Variants in KIAA0232 observed in about 807,000 individuals in gnomAD.
KIAA0232 encodes the protein KIAA0232, also known as uncharacterized protein KIAA0232.
Under a neutral mutation model 122.0 loss-of-function variants are expected in KIAA0232, and 27 were observed. That is an observed-to-expected ratio of 0.22 (90% CI 0.16 to 0.31). The LOEUF is 0.31. Among genes scored for constraint, KIAA0232 ranks in the 10% least tolerant of loss-of-function variants. KIAA0232 has a pLI of 1.00. For synonymous variants in KIAA0232, 613 were observed against 587.6 expected, an observed-to-expected ratio of 1.04 and a Z score of -0.63; for missense variants, 1,551 against 1,634.2, an observed-to-expected ratio of 0.95 and a Z score of 0.88.
chr4:6,810,186 G>A (rs1261643140), intron 2 of KIAA0232, among the ~76,000 whole-genome samples: 1 of 152,140 alleles, frequency 6.6e-6, no homozygotes, highest in Non-Finnish European at 1.5e-5. Context: ...TATATTACAA[G>A]GGTATAGTAA....
chr4:6,833,107 A>G (rs751038872), intron 3 of KIAA0232, among the ~76,000 whole-genome samples: 1 of 152,194 alleles, frequency 6.6e-6, no homozygotes, highest in Non-Finnish European at 1.5e-5. Context: ...TTGAAAAGCT[A>G]GCATCTGCGG....
intron 3 of KIAA0232, among the ~76,000 whole-genome samples, chr4:6,834,171 C>G (rs926646611): frequency 8.5e-5 from 13 of 152,248 alleles, no homozygotes; most frequent in African/African-American, 2.6e-4. Context: ...CTCACTGAGC[C>G]TCGAACTCTT....
rs749367195 is a variant in KIAA0232 at position 6,855,294 on chromosome 4, G to A, written c.370-1870G>A. Among the ~76,000 whole-genome samples, 2 of 151,834 alleles carry A rather than the reference G, an allele frequency of 1.3e-5. No individual in the cohort carries two copies. The highest frequency in any genetic ancestry group is 2.4e-5 in the African/African-American group (1 of 41,326). On this transcript the variant is annotated intron_variant, in intron 4 of 9. Coordinates refer to ENST00000307659, the MANE Select transcript of KIAA0232 (RefSeq NM_014743.3). The surrounding 1 kb of genome is among the most constrained non-coding windows in gnomAD (Gnocchi z 4.3). ...GTAGAAACGGGGTTTCACCATGTTC[G>A]CCAGGCTAGTCTTGAACTCCTGACC...
At chr4:6,876,109 G>A (rs1287636491) in intron 8 of KIAA0232, among the ~76,000 whole-genome samples, 1 of 152,158 alleles carries the variant, frequency 6.6e-6, no homozygotes, top group Non-Finnish European at 1.5e-5. Flanking sequence ...TGATGGAATC[G>A]CTAGCACCAT....
intron 7 of KIAA0232, among the ~76,000 whole-genome samples, chr4:6,871,180 C>A (rs1721461303): frequency 1.3e-5 from 2 of 152,198 alleles, no homozygotes; most frequent in Admixed American, 6.5e-5. Context: ...TGCCTGTAAT[C>A]CCAGTACTTT....
chr4:6,864,751 A>G (rs1272950563), intron 7 of KIAA0232, among the ~76,000 whole-genome samples: 1 of 151,552 alleles, frequency 6.6e-6, no homozygotes, highest in Non-Finnish European at 1.5e-5. Context: ...AAAAAAAAAA[A>G]AAAAAAAATA....
chr4:6,848,341 T>C (rs1020317853), intron 4 of KIAA0232, among the ~76,000 whole-genome samples: 1 of 152,238 alleles, frequency 6.6e-6, no homozygotes, highest in Non-Finnish European at 1.5e-5. Flanking sequence ...TTTGACCATA[T>C]ACAATTGGCC....
At chr4:6,816,013 A>G (rs1177071447) in intron 2 of KIAA0232, among the ~76,000 whole-genome samples, 1 of 152,188 alleles carries the variant, frequency 6.6e-6, no homozygotes, top group Non-Finnish European at 1.5e-5. Context: ...TTTAAAGTAA[A>G]CATAATAAAA....
intron 4 of KIAA0232, among the ~76,000 whole-genome samples, chr4:6,849,959 C>G (rs945883866): frequency 1.2e-4 from 18 of 152,036 alleles, no homozygotes; most frequent in African/African-American, 4.1e-4. Flanking sequence ...TTATGAGGAC[C>G]AGGCAAGAAA....
intron 1 of KIAA0232, among the ~76,000 whole-genome samples, chr4:6,784,213 C>T (rs1716505475): frequency 6.6e-6 from 1 of 151,892 alleles, no homozygotes; most frequent in Non-Finnish European, 1.5e-5. Context: ...CTTTGACTTA[C>T]TGTTCAAGTT....
intron 1 of KIAA0232, among the ~76,000 whole-genome samples, chr4:6,800,847 G>C (rs1442022136): frequency 2.6e-5 from 4 of 152,286 alleles, no homozygotes. Context: ...TCATCACTCT[G>C]AAAGGTTATG....
chr4:6,787,793 G>T (rs1560157205), intron 1 of KIAA0232, among the ~76,000 whole-genome samples: 1 of 152,052 alleles, frequency 6.6e-6, no homozygotes, highest in Non-Finnish European at 1.5e-5. Flanking sequence ...ATCATATCAT[G>T]ACCCATTTCC....
intron 4 of KIAA0232, among the ~76,000 whole-genome samples, chr4:6,847,769 A>G (rs548356355): frequency 1.3e-5 from 2 of 152,152 alleles, no homozygotes; most frequent in South Asian, 4.1e-4. Context: ...GGTGATTATT[A>G]TCCTAAGCTG....
chr4:6,784,937 A>ATT (rs10563839), intron 1 of KIAA0232, among the ~76,000 whole-genome samples: 107 of 135,512 alleles, frequency 7.9e-4, no homozygotes, highest in East Asian at 1.9e-3. Flanking sequence ...GATCAGATGA[A>ATT]TTTTTTTTTT....
intron 1 of KIAA0232, among the ~76,000 whole-genome samples, chr4:6,783,944 C>CT (rs1203482524): frequency 6.6e-6 from 1 of 152,162 alleles, no homozygotes. Flanking sequence ...AATGCTTCGT[C>CT]TTGCCCTAGA....
chr4:6,882,022 A>G lies in KIAA0232; in HGVS notation c.*1056A>G, dbSNP rs1187617560. On this transcript the variant is annotated 3_prime_UTR_variant, in exon 10 of 10. Coordinates refer to ENST00000307659, the MANE Select transcript of KIAA0232 (RefSeq NM_014743.3). ...GGGCGGGTAGAGTCATGAGTTTTCC[A>G]CATCCCTGTGTGGTGGTTTTGCTGA... The G allele has an allele frequency of 6.6e-6, 1 of 152,566 alleles. No homozygotes were observed. Among genetic ancestry groups the G allele is most frequent in the Non-Finnish European group, 1.5e-5 (1 of 68,030 alleles). The allele number at this position is 152,566 out of a possible 1,614,324, so 9.5% of individuals were successfully genotyped here. A position where few individuals can be genotyped will look rare whatever the true frequency, so the allele number is the denominator to read the frequency against.
intron 4 of KIAA0232, among the ~76,000 whole-genome samples, chr4:6,843,904 C>T (rs896927470): frequency 7.3e-6 from 1 of 136,890 alleles, no homozygotes; most frequent in Admixed American, 7.6e-5. Context: ...GCTCACTGGG[C>T]GCAAGGACCG....
chr4:6,852,680 T>G (rs1163461585), intron 4 of KIAA0232, among the ~76,000 whole-genome samples: 5 of 152,232 alleles, frequency 3.3e-5, no homozygotes, highest in Non-Finnish European at 4.4e-5. Flanking sequence ...AAACAACTAT[T>G]TACCCACAAT....
chr4:6,820,986 AT>A (rs1405930309), intron 2 of KIAA0232, among the ~76,000 whole-genome samples: 3 of 152,152 alleles, frequency 2.0e-5, no homozygotes, highest in East Asian at 3.9e-4. Flanking sequence ...GGCTGAACTT[AT>A]CCTTTTATCA....
Sources: gnomAD v4.1 joint callset for allele counts (sites outside exome capture counted in the v4.1 genomes callset) on GRCh38, gnomAD v4.1.1 for gene constraint, Gnocchi (gnomAD v3.1) non-coding constraint, MANE v1.5 for transcripts, NCBI Gene and HGNC (gene_info 2026-07-23, HGNC 2026-07-21) for gene names.